Variants in CERKL observed in about 807,000 individuals in gnomAD.
The protein encoded by CERKL is CERK like autophagy regulator.
CERKL carries 61 observed loss-of-function variants against 63.4 expected under a neutral mutation model. The observed-to-expected ratio is 0.96, with a 90% CI of 0.78 to 1.19. CERKL has a LOEUF of 1.19. Ranked by LOEUF, CERKL falls within the 50% of genes most tolerant of loss-of-function variation. CERKL has a pLI of 0.00. For synonymous variants in CERKL, 250 were observed against 230.5 expected (o/e 1.08, Z -0.77); for missense variants, 675 against 655.5 (o/e 1.03, Z -0.33).
intron 10 of CERKL, among the ~76,000 whole-genome samples, chr2:181,547,046 T>C (rs1358281816): frequency 6.6e-6 from 1 of 151,630 alleles, no homozygotes; most frequent in Non-Finnish European, 1.5e-5. Context: ...AAAATAGGAG[T>C]TTCCCTGCAC....
Position 181,573,879 on chromosome 2 carries a change from G to T in CERKL, c.487C>A (p.Pro163Thr), listed in dbSNP as rs781389102. 6.2e-7 allele frequency: 1 copy of T among 1,612,178 alleles called. No individual in the cohort carries two copies. Among genetic ancestry groups the T allele is most frequent in the South Asian group, 1.1e-5 (1 of 90,650 alleles). The change falls in exon 3 of 13, where the codon CCA becomes ACA. Residue 163 changes from proline (P) to threonine (T), a missense_variant. By Grantham distance (38) the Pro-to-Thr change is conservative. Transcript: ENST00000410087. ...RQFKKILAGF[P>T]NRPKSLKILL... ...ATTTTTAATGACTTCGGTCTGTTTG[G>T]AAAGCCTAAGAAGAAATTTTAAAGA...
chr2:181,618,266 A>ATTT lies in CERKL; in HGVS notation c.239-14190_239-14188dup, dbSNP rs3060883. ...CTTGTACCCCTTAAACTTACACAAT[A>ATTT]TTTTTTTTTTTTTTTTAGAAAAGGG... On this transcript the variant is annotated intron_variant, in intron 1 of 12. Coordinates refer to ENST00000410087, the MANE Select transcript of CERKL (RefSeq NM_201548.5). 1.0e-4 allele frequency among the ~76,000 whole-genome samples: 13 copies of ATTT among 128,212 alleles called. No individual in the cohort carries two copies. The South Asian group carries it at 4.5e-3, about 45-fold the overall frequency. The allele number at this position is 128,212 out of a possible 152,430, so 84.1% of individuals were successfully genotyped here.
rs1371492174 is a variant in CERKL, at chr2:181,573,808, A to G, written c.558T>C (p.Tyr186=). Reference sequence around the variant, plus strand: ...TCAACAGAGGTTCAACCTTCTCATAATAAACCTGGGTAGCTTCTTTTTTGT... The same window carrying G: ...TCAACAGAGGTTCAACCTTCTCATAGTAAACCTGGGTAGCTTCTTTTTTGT... The part of the protein sequence containing the change: ...QSHKKEATQV[Y]YEKVEPLLKL... Residue 186 remains tyrosine (Y), a synonymous_variant, in exon 3 of 13, where the codon TAT becomes TAC. Coordinates refer to ENST00000410087, the MANE Select transcript of CERKL (RefSeq NM_201548.5). The G allele has an allele frequency of 1.2e-6, 2 of 1,612,584 alleles. No individual in the cohort carries two copies. The highest frequency in any genetic ancestry group is 1.7e-6 in the Non-Finnish European group (2 of 1,179,054).
intron 10 of CERKL, among the ~76,000 whole-genome samples, chr2:181,546,944 G>A (rs1292045778): frequency 6.6e-6 from 1 of 152,160 alleles, no homozygotes; most frequent in Non-Finnish European, 1.5e-5. Flanking sequence ...TTGTGGGAGA[G>A]ACCTGGTGGG....
chr2:181,538,503 G>A (rs1207444981), intron 12 of CERKL, among the ~76,000 whole-genome samples: 1 of 25,274 alleles, frequency 4.0e-5, no homozygotes, highest in African/African-American at 1.8e-4. Context: ...TATGCCTCTA[G>A]AACACCCATG....
intron 1 of CERKL, among the ~76,000 whole-genome samples, chr2:181,651,187 A>G (rs1287628422): frequency 1.3e-5 from 2 of 152,248 alleles, no homozygotes; most frequent in African/African-American, 2.4e-5. Context: ...TGAGTCAAGC[A>G]TCACCCTAAT....
At chr2:181,538,270 C>T (rs1234550022) in intron 12 of CERKL, 26 bp from the exon 13 acceptor site, 3 of 1,441,054 alleles carry the variant, frequency 2.1e-6, no homozygotes, top group Admixed American at 1.7e-5. Context: ...ATTATTTCAT[C>T]AACTTATTTT....
intron 2 of CERKL, among the ~76,000 whole-genome samples, chr2:181,582,599 G>GA (rs1259507171): frequency 1.3e-5 from 2 of 150,940 alleles, no homozygotes; most frequent in African/African-American, 4.9e-5. Context: ...TGGCTGGCGG[G>GA]ATCTTGGCTC....
Position 181,604,082 on chromosome 2 carries a change from G to GAA in CERKL, c.239-5_239-4dup. Reference sequence around the variant, plus strand: ...TAGCAAGTCATACTTAGAATCACCTGAAAAAAAAATAAATTTTCCAATTAA... The same window carrying GAA: ...TAGCAAGTCATACTTAGAATCACCTGAAAAAAAAAAATAAATTTTCCAATTAA... On this transcript the variant is annotated splice_polypyrimidine_tract_variant and splice_region_variant and intron_variant, in intron 1 of 12. Coordinates refer to ENST00000410087, the MANE Select transcript of CERKL (RefSeq NM_201548.5). 5.2e-6 allele frequency: 8 copies of GAA among 1,543,400 alleles called. No individual in the cohort carries two copies. Among genetic ancestry groups the GAA allele is most frequent in the African/African-American group, 2.8e-5 (2 of 72,582 alleles).
chr2:181,641,980 C>G (rs2105513631), intron 1 of CERKL, among the ~76,000 whole-genome samples: 1 of 152,284 alleles, frequency 6.6e-6, no homozygotes, highest in Non-Finnish European at 1.5e-5. Context: ...ACTTTTGAGG[C>G]TATTTTTATG....
rs1275546934 is a variant in CERKL at position 181,537,980 on chromosome 2, T to C, written c.*204A>G. On this transcript the variant is annotated 3_prime_UTR_variant, in exon 13 of 13. Transcript: ENST00000410087. ...ATGGTGAACTGGTATGTGAGGGATC[T>C]AGAGTGCCATGTTCCTCAAGAGAAT... 2 of 666,598 alleles carry C rather than the reference T, an allele frequency of 3.0e-6. No individual in the cohort carries two copies. The highest frequency in any genetic ancestry group is 2.9e-5 in the East Asian group (1 of 34,678). The allele number at this position is 666,598 out of a possible 1,614,324, so 41.3% of individuals were successfully genotyped here.
intron 1 of CERKL, among the ~76,000 whole-genome samples, chr2:181,622,172 T>C (rs1458939103): frequency 6.6e-6 from 1 of 152,206 alleles, no homozygotes; most frequent in African/African-American, 2.4e-5. Context: ...CATCATACTA[T>C]ATAAATGTCT....
intron 1 of CERKL, among the ~76,000 whole-genome samples, chr2:181,640,145 C>A (rs1473527213): frequency 6.6e-6 from 1 of 152,168 alleles, no homozygotes; most frequent in African/African-American, 2.4e-5. Flanking sequence ...AATTCAGTCA[C>A]CCATTACACT....
At position 181,610,385 on chromosome 2, in the gene CERKL, G is replaced by A. The variant is rs890874983; in HGVS notation, c.239-6306C>T. Among the ~76,000 whole-genome samples, 6 of 152,292 alleles carry A rather than the reference G, an allele frequency of 3.9e-5. No homozygotes were observed. The East Asian group carries it at 1.2e-3, about 29-fold the overall frequency. On this transcript the variant is annotated intron_variant, in intron 1 of 12. Coordinates refer to ENST00000410087, the MANE Select transcript of CERKL (RefSeq NM_201548.5). ...AGGGAAGTAGCCCCAGTGCTGGTGG[G>A]AATGCAAAAATGGTAATTGCTGGAG...
Position 181,624,973 on chromosome 2 carries a change from A to T in CERKL, c.239-20894T>A, listed in dbSNP as rs140535537. On this transcript the variant is annotated intron_variant, in intron 1 of 12. Coordinates refer to ENST00000410087, the MANE Select transcript of CERKL (RefSeq NM_201548.5). ...GAGGAGAGGTCTAGACTAGAGTTAC[A>T]AATTTGAAAGACATGAGCATTTAGA... Among the ~76,000 whole-genome samples, 163 of 152,312 alleles carry T rather than the reference A, an allele frequency of 1.1e-3. 4 individuals are homozygous for T. The East Asian group carries it at 0.029, about 27-fold the overall frequency.
intron 3 of CERKL, among the ~76,000 whole-genome samples, chr2:181,570,119 G>C (rs759403023): frequency 6.6e-6 from 1 of 152,140 alleles, no homozygotes. Context: ...CTGGAAGAAA[G>C]GGCACCTTTT....
At chr2:181,604,948 T>C (rs763516362) in intron 1 of CERKL, among the ~76,000 whole-genome samples, 7 of 152,206 alleles carry the variant, frequency 4.6e-5, no homozygotes, top group African/African-American at 1.4e-4. Context: ...ACCATTTCAA[T>C]TGACTCTCAA....
Position 181,554,257 on chromosome 2 carries a change from G to A in CERKL, c.820+4309C>T, listed in dbSNP as rs146447525. On this transcript the variant is annotated intron_variant, in intron 5 of 12. Coordinates refer to ENST00000410087, the MANE Select transcript of CERKL (RefSeq NM_201548.5). ...AACCAGATACCATGAATATTCATAA[G>A]GCTGTTAATGTCTCCCACATCCAAA... 2.2e-3 allele frequency among the ~76,000 whole-genome samples: 335 copies of A among 151,430 alleles called. 1 individual carries two copies. The highest frequency in any genetic ancestry group is 7.7e-3 in the African/African-American group (319 of 41,260).
At position 181,549,677 on chromosome 2, in the gene CERKL, A is replaced by T; in HGVS notation, c.852T>A (p.His284Gln). 6.2e-7 allele frequency: 1 copy of T among 1,612,594 alleles called. No individual in the cohort carries two copies. Among genetic ancestry groups the T allele is most frequent in the African/African-American group, 1.3e-5 (1 of 74,988 alleles). The stretch of plus-strand genomic sequence containing the variant: ...TTGCAGTTATCACATGAGGAACTCC[A>T]TGAAGAGAATGTGCCAATACATTGG... ...GSTNVLAHSL[H>Q]GVPHVITATL... Residue 284 changes from histidine to glutamine, a missense_variant, in exon 6 of 13, where the codon CAT becomes CAA. Coordinates refer to ENST00000410087, the MANE Select transcript of CERKL (RefSeq NM_201548.5).
Sources: allele counts gnomAD v4.1 joint callset (sites outside exome capture counted in the v4.1 genomes callset), GRCh38; gene constraint gnomAD v4.1.1; transcripts MANE v1.5; gene names NCBI Gene and HGNC (gene_info 2026-07-23, HGNC 2026-07-21).